Variants in PRKG1 observed in about 807,000 individuals in gnomAD.
PRKG1 encodes the protein protein kinase cGMP-dependent 1, also known as cGMP-dependent protein kinase 1.
A neutral mutation model predicts 88.1 loss-of-function variants in PRKG1; 35 were observed. The ratio of observed to expected loss-of-function variants is 0.40; its 90% CI spans 0.30 to 0.53. PRKG1 has a LOEUF of 0.53. Among genes scored for constraint, PRKG1 ranks in the 20% least tolerant of loss-of-function variants. PRKG1 has a pLI of 0.59. For synonymous variants in PRKG1, 303 were observed against 292.5 expected, an observed-to-expected ratio of 1.04 and a Z score of -0.37; for missense variants, 540 against 839.8, an observed-to-expected ratio of 0.64 and a Z score of 4.41.
At chr10:51,555,982 A>G (rs933211310) in intron 3 of PRKG1, among the ~76,000 whole-genome samples, 10 of 151,940 alleles carry the variant, frequency 6.6e-5, no homozygotes, top group Non-Finnish European at 1.3e-4. Context: ...GAGAAAAGAA[A>G]GGGGGAACAG....
chr10:51,703,881 G>A (rs1841534486), intron 3 of PRKG1, among the ~76,000 whole-genome samples: 1 of 152,136 alleles, frequency 6.6e-6, no homozygotes, highest in South Asian at 2.1e-4. Flanking sequence ...ACTCACGCCT[G>A]TAATCCTGGC....
chr10:52,083,495 A>C (rs1846832930), intron 7 of PRKG1, among the ~76,000 whole-genome samples: 1 of 152,104 alleles, frequency 6.6e-6, no homozygotes, highest in African/African-American at 2.4e-5. Context: ...CCGGAACATA[A>C]TATTCTATGC....
chr10:51,399,280 C>T (rs995579429), intron 2 of PRKG1, among the ~76,000 whole-genome samples: 4 of 151,786 alleles, frequency 2.6e-5, no homozygotes, highest in African/African-American at 7.3e-5. Context: ...CATAGCATGC[C>T]GTGTTAATCA....
At chr10:52,062,483 T>G in intron 6 of PRKG1, 54 bp from the exon 7 acceptor site, 1 of 1,151,142 alleles carries the variant, frequency 8.7e-7, no homozygotes, top group East Asian at 2.5e-5. Flanking sequence ...TTAGTGTTCC[T>G]TTGTCCATTG....
chr10:51,558,430 T>G (rs1276688862), intron 3 of PRKG1, among the ~76,000 whole-genome samples: 1 of 152,094 alleles, frequency 6.6e-6, no homozygotes, highest in East Asian at 1.9e-4. Context: ...TTAATTTATT[T>G]ATTCCTATTT....
At chr10:51,232,815 C>CCCCT (rs1838881100) in intron 2 of PRKG1, among the ~76,000 whole-genome samples, 1 of 152,164 alleles carries the variant, frequency 6.6e-6, no homozygotes, top group Non-Finnish European at 1.5e-5. Flanking sequence ...AATCAACCTG[C>CCCCT]CCCTACCTTG....
At chr10:52,117,860 A>T (rs1184024594) in intron 7 of PRKG1, among the ~76,000 whole-genome samples, 1 of 152,042 alleles carries the variant, frequency 6.6e-6, no homozygotes, top group Non-Finnish European at 1.5e-5. Context: ...GTTCTATACC[A>T]TGGCCTTTTC....
intron 3 of PRKG1, among the ~76,000 whole-genome samples, chr10:51,761,984 G>A (rs1838032577): frequency 6.6e-6 from 1 of 152,030 alleles, no homozygotes; most frequent in South Asian, 2.1e-4. Flanking sequence ...ATAAGAACAT[G>A]CTATTAACCC....
At chr10:51,470,547 C>A (rs761019395) in intron 3 of PRKG1, among the ~76,000 whole-genome samples, 1 of 151,842 alleles carries the variant, frequency 6.6e-6, no homozygotes, top group Non-Finnish European at 1.5e-5. Context: ...CATCTTAATG[C>A]ATTTTTATTT....
At chr10:51,055,561 G>T (rs1029868121) in intron 1 of PRKG1, among the ~76,000 whole-genome samples, 1 of 151,282 alleles carries the variant, frequency 6.6e-6, no homozygotes, top group Non-Finnish European at 1.5e-5. Flanking sequence ...GTGAAACCCA[G>T]TCTCTACTAA....
chr10:51,081,157 T>C (rs1230879611), intron 1 of PRKG1, among the ~76,000 whole-genome samples: 2 of 152,178 alleles, frequency 1.3e-5, no homozygotes, highest in East Asian at 3.9e-4. Flanking sequence ...ATATCTTGTC[T>C]TTTTCAGCTT....
intron 8 of PRKG1, among the ~76,000 whole-genome samples, chr10:52,142,135 G>T (rs536870984): frequency 8.9e-4 from 135 of 152,118 alleles, no homozygotes; most frequent in African/African-American, 2.1e-3. Flanking sequence ...CCTCTTTTCC[G>T]AATCCTTTAG....
chr10:51,699,484 G>A (rs893473000), intron 3 of PRKG1: 6 of 1,613,670 alleles, frequency 3.7e-6, no homozygotes, highest in Non-Finnish European at 5.1e-6. Context: ...CATATGGAAT[G>A]TTCCCCACGA....
intron 3 of PRKG1, among the ~76,000 whole-genome samples, chr10:51,479,460 GT>G (rs959135449): frequency 3.3e-5 from 5 of 151,746 alleles, no homozygotes; most frequent in African/African-American, 1.2e-4. Context: ...AGGTGCTTTT[GT>G]TTTTCTTAAG....
chr10:52,134,119 G>C (rs150737223), intron 8 of PRKG1, among the ~76,000 whole-genome samples: 223 of 152,222 alleles, frequency 1.5e-3, no homozygotes, highest in Non-Finnish European at 2.7e-3. Context: ...CTTAACCACT[G>C]TGAGCTTCGG....
At chr10:51,116,143 G>T (rs1007064115) in intron 1 of PRKG1, among the ~76,000 whole-genome samples, 1 of 152,132 alleles carries the variant, frequency 6.6e-6, no homozygotes, top group Admixed American at 6.5e-5. Flanking sequence ...TAATTTACTT[G>T]AGGCTCAAAT....
At chr10:52,197,137 C>T (rs769550432) in intron 9 of PRKG1, among the ~76,000 whole-genome samples, 1 of 152,058 alleles carries the variant, frequency 6.6e-6, no homozygotes, top group Non-Finnish European at 1.5e-5. Flanking sequence ...TTTGTCTGGA[C>T]ATTCAGATTT....
At chr10:52,255,974 C>A (rs1175688116) in intron 10 of PRKG1, among the ~76,000 whole-genome samples, 1 of 149,958 alleles carries the variant, frequency 6.7e-6, no homozygotes, top group Non-Finnish European at 1.5e-5. Flanking sequence ...GAACATGAGA[C>A]ATGATCCACA....
chr10:51,917,283 C>A (rs1163602755), intron 5 of PRKG1, among the ~76,000 whole-genome samples: 6 of 146,478 alleles, frequency 4.1e-5, no homozygotes, highest in African/African-American at 1.3e-4. Flanking sequence ...CGTGCCACTG[C>A]ACTCCAGCCT....
Sources: allele counts gnomAD v4.1 joint callset (sites outside exome capture counted in the v4.1 genomes callset), GRCh38; gene constraint gnomAD v4.1.1; transcripts MANE v1.5; gene names NCBI Gene and HGNC (gene_info 2026-07-23, HGNC 2026-07-21).